Variants in CLIC4 observed in about 807,000 individuals in gnomAD.
CLIC4 encodes chloride intracellular channel protein 4.
In CLIC4, 13 loss-of-function variants were observed where a neutral mutation model predicts 24.6. The observed-to-expected ratio is 0.53, with a 90% CI of 0.34 to 0.84. CLIC4 has a LOEUF of 0.84. Among genes scored for constraint, CLIC4 ranks in the 40% least tolerant of loss-of-function variants. The pLI, the probability that CLIC4 is intolerant of heterozygous loss-of-function variation, is 0.01. For synonymous variants in CLIC4, 104 were observed against 111.3 expected, an observed-to-expected ratio of 0.93 and a Z score of 0.41; for missense variants, 227 against 301.7, an observed-to-expected ratio of 0.75 and a Z score of 1.83.
chr1:24,800,666 C>G (rs1002129828), intron 2 of CLIC4, among the ~76,000 whole-genome samples: 2 of 152,122 alleles, frequency 1.3e-5, no homozygotes, highest in Non-Finnish European at 2.9e-5. Flanking sequence ...GGATGGTTGC[C>G]GTGTCTGTGT....
At chr1:24,819,060 C>A (rs577007519) in intron 3 of CLIC4, among the ~76,000 whole-genome samples, 3 of 152,262 alleles carry the variant, frequency 2.0e-5, no homozygotes, top group African/African-American at 7.2e-5. Context: ...ACACCTCTGT[C>A]TATAACTAGC....
At chr1:24,780,881 A>T (rs1408990151) in intron 1 of CLIC4, among the ~76,000 whole-genome samples, 1 of 151,994 alleles carries the variant, frequency 6.6e-6, no homozygotes, top group African/African-American at 2.4e-5. Context: ...TGAGGTCAAG[A>T]GTTTGAGAAC....
chr1:24,800,889 C>G (rs534425774), intron 2 of CLIC4, among the ~76,000 whole-genome samples: 10 of 114,452 alleles, frequency 8.7e-5, no homozygotes, highest in African/African-American at 3.3e-4. Flanking sequence ...AGAGTCATCA[C>G]CACTCCCTAA....
intron 1 of CLIC4, among the ~76,000 whole-genome samples, chr1:24,779,216 T>C (rs543454042): frequency 1.3e-5 from 2 of 152,204 alleles, no homozygotes; most frequent in Non-Finnish European, 2.9e-5. Context: ...ACGCCTGTAC[T>C]CCCAGCACGT....
intron 1 of CLIC4, among the ~76,000 whole-genome samples, chr1:24,769,446 T>TA (rs1639046298): frequency 6.6e-6 from 1 of 152,202 alleles, no homozygotes; most frequent in African/African-American, 2.4e-5. Context: ...ACATGAGAAT[T>TA]AGAGAGATCA....
chr1:24,746,786 A>T (rs1191783852), intron 1 of CLIC4, among the ~76,000 whole-genome samples: 1 of 151,996 alleles, frequency 6.6e-6, no homozygotes, highest in Non-Finnish European at 1.5e-5. Flanking sequence ...AGGTGGGAGG[A>T]TTACTTGAGT....
chr1:24,819,677 G>C (rs888428580), intron 3 of CLIC4, among the ~76,000 whole-genome samples: 12 of 151,746 alleles, frequency 7.9e-5, no homozygotes, highest in Non-Finnish European at 1.8e-4. Flanking sequence ...GACCTCAGGT[G>C]ATCCACCCGC....
intron 2 of CLIC4, among the ~76,000 whole-genome samples, chr1:24,809,785 C>G (rs1041006205): frequency 1.7e-4 from 26 of 152,098 alleles, no homozygotes; most frequent in African/African-American, 6.3e-4. Context: ...TATTCAAATT[C>G]TGTGCATTTA....
At chr1:24,769,212 G>C (rs1368080144) in intron 1 of CLIC4, among the ~76,000 whole-genome samples, 1 of 152,144 alleles carries the variant, frequency 6.6e-6, no homozygotes, top group Non-Finnish European at 1.5e-5. Context: ...AATGTTATAA[G>C]TTTTCTGAAG....
At chr1:24,817,351 AAG>A (rs1256772293) in intron 3 of CLIC4, among the ~76,000 whole-genome samples, 1 of 151,978 alleles carries the variant, frequency 6.6e-6, no homozygotes, top group Non-Finnish European at 1.5e-5. Flanking sequence ...GCTTCTGCAT[AAG>A]CATTTGCTGC....
At chr1:24,760,997 G>A (rs2124089697) in intron 1 of CLIC4, among the ~76,000 whole-genome samples, 1 of 152,250 alleles carries the variant, frequency 6.6e-6, no homozygotes, top group Middle Eastern at 3.4e-3. Context: ...ATGGTGGCTT[G>A]GAATAAGGTG....
At chr1:24,756,926 G>C (rs12067047) in intron 1 of CLIC4, among the ~76,000 whole-genome samples, 1 of 147,344 alleles carries the variant, frequency 6.8e-6, no homozygotes, top group Non-Finnish European at 1.5e-5. Context: ...ACGGAGTTTC[G>C]CTCTTGTTGC....
chr1:24,758,137 G>A (rs529814442), intron 1 of CLIC4, among the ~76,000 whole-genome samples: 4 of 151,960 alleles, frequency 2.6e-5, no homozygotes, highest in African/African-American at 9.7e-5. Context: ...CTGCTTTCTA[G>A]TATATTCATT....
In CLIC4 at chr1:24,761,317, T is replaced by C. The variant is rs552974991; in HGVS notation, c.72+15692T>C. 5.5e-4 allele frequency among the ~76,000 whole-genome samples: 84 copies of C among 152,248 alleles called. No individual in the cohort carries two copies. In the South Asian group the frequency reaches 0.017, roughly 30 times the overall value. On this transcript the variant is annotated intron_variant, in intron 1 of 5. Transcript: ENST00000374379. ...CATATAAATAAGGACAGTAGGTTAT[T>C]ATATCAAAGAAAAGAACAGGGCAAC... is the stretch of plus-strand genomic sequence containing the variant.
chr1:24,753,107 T>G (rs1427752916), intron 1 of CLIC4, among the ~76,000 whole-genome samples: 1 of 152,168 alleles, frequency 6.6e-6, no homozygotes, highest in African/African-American at 2.4e-5. Context: ...AAAATTCTAA[T>G]GTGAGGCTTT....
intron 4 of CLIC4, among the ~76,000 whole-genome samples, chr1:24,837,911 T>C (rs1639901707): frequency 6.6e-6 from 1 of 152,196 alleles, no homozygotes; most frequent in East Asian, 1.9e-4. Context: ...CTCTAGGCCC[T>C]CTGCTTCTCC....
At chr1:24,800,374 C>T (rs1324567434) in intron 2 of CLIC4, among the ~76,000 whole-genome samples, 1 of 146,684 alleles carries the variant, frequency 6.8e-6, no homozygotes, top group Non-Finnish European at 1.5e-5. Flanking sequence ...CGGCCAGCCG[C>T]CCCGTCCGGG....
chr1:24,778,917 A>G (rs1639173081), intron 1 of CLIC4, among the ~76,000 whole-genome samples: 1 of 152,244 alleles, frequency 6.6e-6, no homozygotes, highest in African/African-American at 2.4e-5. Flanking sequence ...AGCAAGTAAC[A>G]AAAGTACTCA....
intron 4 of CLIC4, among the ~76,000 whole-genome samples, chr1:24,830,519 A>G (rs960065768): frequency 3.9e-4 from 59 of 152,204 alleles, no homozygotes; most frequent in African/African-American, 1.3e-3. Flanking sequence ...TAGATTCCAA[A>G]TAGTTCAAAA....
Sources: allele counts gnomAD v4.1 joint callset (sites outside exome capture counted in the v4.1 genomes callset), GRCh38; gene constraint gnomAD v4.1.1; transcripts MANE v1.5; gene names NCBI Gene and HGNC (gene_info 2026-07-23, HGNC 2026-07-21).